The following GALNT13 variants were observed in gnomAD, a reference collection of about 807,000 sequenced individuals.
GALNT13 encodes UDP-GalNAc:polypeptide N-acetylgalactosaminyltransferase 13.
GALNT13 carries 28 observed loss-of-function variants against 64.2 expected under a neutral mutation model. The ratio of observed to expected loss-of-function variants is 0.44; its 90% CI spans 0.32 to 0.60. The LOEUF is 0.60. GALNT13 is among the 20% of genes least tolerant of loss of function. GALNT13 has a pLI of 0.05. For missense variants in GALNT13, 577 were observed against 669.8 expected, an observed-to-expected ratio of 0.86 and a Z score of 1.53; for synonymous variants, 214 against 224.6, an observed-to-expected ratio of 0.95 and a Z score of 0.42.
At chr2:153,076,494 A>G in the GALNT13 span, among the ~76,000 whole-genome samples, 2 of 152,142 alleles carry the variant, frequency 1.3e-5, no homozygotes, top group African/African-American at 4.8e-5. Flanking sequence ...ACATTACTTA[A>G]TTTATGTCAT....
intron 1 of GALNT13, among the ~76,000 whole-genome samples, chr2:153,898,148 T>C (rs2105285137): frequency 6.6e-6 from 1 of 152,256 alleles, no homozygotes; most frequent in Admixed American, 6.5e-5. Flanking sequence ...GAAAGATAGC[T>C]CTGTTAGAAA....
At chr2:153,917,524 T>C (rs940804903) in intron 2 of GALNT13, among the ~76,000 whole-genome samples, 6 of 152,128 alleles carry the variant, frequency 3.9e-5, no homozygotes, top group Non-Finnish European at 7.4e-5. Flanking sequence ...TTTCTAGAAG[T>C]ATTAACAATT....
At chr2:153,670,888 G>A in the GALNT13 span, among the ~76,000 whole-genome samples, 12 of 152,156 alleles carry the variant, frequency 7.9e-5, no homozygotes, top group East Asian at 3.9e-4. Flanking sequence ...ACCACAGTAC[G>A]AGAAATTCGT....
chr2:153,153,923 A>G, the GALNT13 span, among the ~76,000 whole-genome samples: 1 of 151,990 alleles, frequency 6.6e-6, no homozygotes, highest in Admixed American at 6.6e-5. Context: ...ATCTTTTCCA[A>G]TTCTGTGAAG....
At chr2:154,241,877 G>C (rs2059335) in intron 4 of GALNT13, among the ~76,000 whole-genome samples, 153 bp from the exon 5 acceptor site, 151,601 of 152,344 alleles carry the variant, frequency 1, 75,433 homozygotes, top group Middle Eastern at 1. Context: ...ACTCACAGCA[G>C]TTATAAAAGG....
Position 154,258,727 on chromosome 2 carries a change from C to A in GALNT13, c.858-294C>A, listed in dbSNP as rs376205665. Among the ~76,000 whole-genome samples, 21 of 151,546 alleles carry A rather than the reference C, an allele frequency of 1.4e-4. 1 individual carries two copies. Among genetic ancestry groups the A allele is most frequent in the East Asian group, 1.4e-3 (7 of 5,146 alleles). ...AGTGCAAAGGGCAGAAACCTCTCTT[C>A]GCTATGATTTTCAGAGGGAATATAG... On this transcript the variant is annotated intron_variant, in intron 7 of 12. Coordinates refer to ENST00000392825, the MANE Select transcript of GALNT13 (RefSeq NM_052917.4).
chr2:154,293,922 T>G (rs1692778045), intron 8 of GALNT13, among the ~76,000 whole-genome samples: 8 of 152,238 alleles, frequency 5.3e-5, no homozygotes, highest in Admixed American at 5.2e-4. Context: ...TGTTTTATTC[T>G]TGTATTAGCT....
At chr2:154,357,644 A>G (rs1383229620) in intron 9 of GALNT13, among the ~76,000 whole-genome samples, 1 of 152,058 alleles carries the variant, frequency 6.6e-6, no homozygotes, top group East Asian at 1.9e-4. Context: ...CTGATCCTCC[A>G]TGTTGTCACC....
the GALNT13 span, among the ~76,000 whole-genome samples, chr2:153,669,032 A>T: frequency 1.3e-5 from 2 of 152,044 alleles, no homozygotes. Flanking sequence ...TTTCCCAAGG[A>T]CCCAGCTTGG....
At chr2:153,444,454 T>A in the GALNT13 span, among the ~76,000 whole-genome samples, 1 of 152,216 alleles carries the variant, frequency 6.6e-6, no homozygotes, top group South Asian at 2.1e-4. Context: ...TATTCAAAGA[T>A]TTACAAAGTG....
At chr2:153,606,417 C>T in the GALNT13 span, among the ~76,000 whole-genome samples, 28 of 152,082 alleles carry the variant, frequency 1.8e-4, no homozygotes, top group African/African-American at 5.8e-4. Flanking sequence ...CCACAGGCTG[C>T]ATGTGGCCCA....
At chr2:153,353,080 A>G in the GALNT13 span, among the ~76,000 whole-genome samples, 1 of 152,078 alleles carries the variant, frequency 6.6e-6, no homozygotes, top group African/African-American at 2.4e-5. Context: ...CTTTCTATAC[A>G]TGATCCATAA....
At chr2:154,376,646 C>G (rs1005126379) in intron 9 of GALNT13, among the ~76,000 whole-genome samples, 1 of 151,898 alleles carries the variant, frequency 6.6e-6, no homozygotes, top group African/African-American at 2.4e-5. Flanking sequence ...AGAAAACAAG[C>G]AAATTACAGG....
the GALNT13 span, among the ~76,000 whole-genome samples, chr2:153,131,131 T>G: frequency 1.3e-5 from 2 of 152,148 alleles, no homozygotes; most frequent in African/African-American, 4.8e-5. Context: ...TTATAAATAT[T>G]AATGATGTGA....
chr2:154,084,292 T>G (rs1325376739), intron 3 of GALNT13, among the ~76,000 whole-genome samples: 1 of 151,860 alleles, frequency 6.6e-6, no homozygotes, highest in Admixed American at 6.6e-5. Flanking sequence ...GATGGGAAAT[T>G]TATTACCAAA....
chr2:153,245,279 C>A, the GALNT13 span, among the ~76,000 whole-genome samples: 3 of 152,218 alleles, frequency 2.0e-5, no homozygotes, highest in Non-Finnish European at 4.4e-5. Context: ...GCACAGCACA[C>A]CAGCTTTGCT....
chr2:153,809,742 C>T, the GALNT13 span, among the ~76,000 whole-genome samples: 2 of 152,094 alleles, frequency 1.3e-5, no homozygotes, highest in African/African-American at 2.4e-5. Context: ...ATATTATGTA[C>T]TACGCCTTTA....
chr2:154,311,304 G>A (rs893195377), intron 9 of GALNT13, among the ~76,000 whole-genome samples: 1 of 151,900 alleles, frequency 6.6e-6, no homozygotes, highest in African/African-American at 2.4e-5. Flanking sequence ...CCTAAGCGTC[G>A]ACTGGCTTGA....
intron 1 of GALNT13, among the ~76,000 whole-genome samples, chr2:153,887,294 A>G (rs1428218073): frequency 4.7e-5 from 7 of 150,434 alleles, no homozygotes; most frequent in Admixed American, 1.3e-4. Flanking sequence ...TTATTTGTGT[A>G]TCTCCTCTCC....
Sources: allele counts gnomAD v4.1 joint callset (sites outside exome capture counted in the v4.1 genomes callset), GRCh38; gene constraint gnomAD v4.1.1; transcripts MANE v1.5; gene names NCBI Gene and HGNC (gene_info 2026-07-23, HGNC 2026-07-21).